The following CRYBG3 variants were observed in gnomAD, a reference collection of about 807,000 sequenced individuals.
The protein encoded by CRYBG3 is crystallin beta-gamma domain containing 3, also known as very large A-kinase anchor protein.
A neutral mutation model predicts 244.2 loss-of-function variants in CRYBG3; 127 were observed. That is an observed-to-expected ratio of 0.52 (90% confidence interval 0.45 to 0.60). The LOEUF is 0.60. Ranked by LOEUF, CRYBG3 falls within the 20% of genes least tolerant of loss-of-function variation. The pLI, the probability that CRYBG3 is intolerant of heterozygous loss-of-function variation, is 0.00. For synonymous variants in CRYBG3, 1,132 were observed against 1,195.8 expected (o/e 0.95, Z 1.10); for missense variants, 3,325 against 3,442.5 (o/e 0.97, Z 0.85).
In CRYBG3 at chr3:97,873,032, T is replaced by C. The variant is rs567741110; in HGVS notation, c.1838T>C (p.Phe613Ser). 3.9e-6 allele frequency: 6 copies of C among 1,535,580 alleles called. No homozygotes were observed. In the South Asian group the frequency reaches 7.2e-5, roughly 18 times the overall value. Reference protein sequence around the residue: ...LGNENAPELKFELNRSHISET... With the variant: ...LGNENAPELKSELNRSHISET... ...AATGAAAATGCACCTGAGTTGAAAT[T>C]TGAACTTAATAGAAGTCACATTTCA... The change falls in exon 4 of 22, where the codon TTT (phenylalanine) becomes TCT (serine). Residue 613 changes from phenylalanine (F) to serine (S), a missense_variant. Physicochemically the swap from Phe to Ser is radical, Grantham distance 155 (BLOSUM62 -2). Transcript: ENST00000389622.
chr3:97,905,204 A>G (rs2039757235), intron 15 of CRYBG3, among the ~76,000 whole-genome samples: 1 of 151,972 alleles, frequency 6.6e-6, no homozygotes. Context: ...CAATAAATAT[A>G]CGTGTGCATG....
intron 1 of CRYBG3, among the ~76,000 whole-genome samples, chr3:97,830,777 G>T (rs2038644518): frequency 1.3e-5 from 2 of 152,006 alleles, no homozygotes; most frequent in African/African-American, 4.8e-5. Context: ...CAAATGCACA[G>T]TAATGTACCT....
At chr3:97,836,383 A>G (rs2038733333) in intron 1 of CRYBG3, among the ~76,000 whole-genome samples, 1 of 152,036 alleles carries the variant, frequency 6.6e-6, no homozygotes, top group African/African-American at 2.4e-5. Context: ...TTCCGTTAAT[A>G]GCCATTAAAA....
chr3:97,885,689 G>A (rs527807706), intron 7 of CRYBG3, among the ~76,000 whole-genome samples: 1 of 152,284 alleles, frequency 6.6e-6, no homozygotes, highest in Admixed American at 6.5e-5. Flanking sequence ...TACAGAGGCT[G>A]GAGTGGAAGT....
Position 97,876,826 on chromosome 3 carries a change from G to C in CRYBG3, c.5632G>C (p.Glu1878Gln). The C allele has an allele frequency of 7.3e-7, 1 of 1,372,386 alleles. No individual in the cohort carries two copies. The highest frequency in any genetic ancestry group is 9.4e-7 in the Non-Finnish European group (1 of 1,066,746). 85.0% of individuals were successfully genotyped at this position (1,372,386 alleles called of 1,614,324 possible). ...DIEKIHGTGL[E>Q]LTTKQGEAML... ...TGAGAAAATACATGGAACAGGACTA[G>C]AATTGACCACTAAACAAGGGGAGGC... Residue 1878 changes from glutamate (E) to glutamine (Q), a missense_variant, in exon 4 of 22, where the codon GAA (glutamate) becomes CAA (glutamine). Transcript: ENST00000389622.
At chr3:97,862,999 T>C (rs749437650) in intron 2 of CRYBG3, among the ~76,000 whole-genome samples, 1 of 152,146 alleles carries the variant, frequency 6.6e-6, no homozygotes, top group Non-Finnish European at 1.5e-5. Context: ...AAATACTCCT[T>C]TATACTAATT....
chr3:97,888,056 C>T (rs144231016), intron 8 of CRYBG3, among the ~76,000 whole-genome samples: 4 of 152,172 alleles, frequency 2.6e-5, no homozygotes, highest in Non-Finnish European at 4.4e-5. Context: ...TTAAAGGTGC[C>T]ACGTGTTTTA....
intron 17 of CRYBG3, among the ~76,000 whole-genome samples, chr3:97,921,541 A>C (rs924097132): frequency 3.3e-5 from 5 of 152,162 alleles, no homozygotes; most frequent in African/African-American, 1.2e-4. Flanking sequence ...GAGGGGTTGT[A>C]CTTTGGACTT....
Position 97,896,004 on chromosome 3 carries a change from G to A in CRYBG3, c.7620G>A (p.Leu2540=). The change falls in exon 12 of 22, where the codon CTG becomes CTA. Residue 2540 remains leucine, a synonymous_variant. Coordinates refer to ENST00000389622, the MANE Select transcript of CRYBG3 (RefSeq NM_153605.4). ...EKEHFKGQQF[L]LEEGDFEDSN... is the part of the protein sequence containing the mutation. ...AACATTTTAAAGGCCAGCAGTTTCT[G>A]CTTGAAGAAGGAGACTTTGAAGACA... The A allele has an allele frequency of 6.2e-7, 1 of 1,613,514 alleles. No homozygotes were observed. The highest frequency in any genetic ancestry group is 8.5e-7 in the Non-Finnish European group (1 of 1,179,696).
In CRYBG3 at chr3:97,943,700, C is replaced by T. The variant is rs1428725154; in HGVS notation, c.*386C>T. The T allele has an allele frequency of 5.5e-6, 1 of 183,198 alleles. No individual in the cohort carries two copies. Among genetic ancestry groups the T allele is most frequent in the African/African-American group, 2.4e-5 (1 of 41,698 alleles). The allele number at this position is 183,198 out of a possible 1,614,324, so 11.3% of individuals were successfully genotyped here. On this transcript the variant is annotated 3_prime_UTR_variant, in exon 22 of 22. Transcript: ENST00000389622. ...TATTTATTAATATCCTACCTAGATG[C>T]TTGTATGAGTACAAAGCATAAAGAA...
Position 97,876,925 on chromosome 3 carries a change from C to A in CRYBG3, c.5731C>A (p.Pro1911Thr). ...GAGTGTTGAAGAAACAAAGGAAGAG[C>A]CTACAGAAATAAAGGAAGGCTTGAT... is the stretch of plus-strand genomic sequence containing the variant. ...EGSVEETKEE[P>T]TEIKEGLIAH... The change falls in exon 4 of 22, where the codon CCT (proline) becomes ACT (threonine). Residue 1911 changes from proline to threonine, a missense_variant. Pro to Thr is a conservative substitution (Grantham distance 38, BLOSUM62 -1). Around this residue, in one of 4 missense-constraint regions of CRYBG3, gnomAD observed 635 missense variants for 771.7 expected, o/e 0.82. Transcript: ENST00000389622. 1 of 1,467,290 alleles carries A rather than the reference C, an allele frequency of 6.8e-7. No individual in the cohort carries two copies. The highest frequency in any genetic ancestry group is 9.0e-7 in the Non-Finnish European group (1 of 1,109,416). The allele number at this position is 1,467,290 out of a possible 1,614,324, so 90.9% of individuals were successfully genotyped here.
chr3:97,909,890 TG>T (rs1255784444), intron 15 of CRYBG3, among the ~76,000 whole-genome samples: 1 of 146,488 alleles, frequency 6.8e-6, no homozygotes, highest in Admixed American at 6.8e-5. Context: ...TATCTACTTT[TG>T]GTCTTTGATG....
chr3:97,904,883 C>T (rs1423054892), intron 15 of CRYBG3, among the ~76,000 whole-genome samples: 1 of 138,586 alleles, frequency 7.2e-6, no homozygotes, highest in Non-Finnish European at 1.6e-5. Context: ...TGCTATCCCT[C>T]CACCCTCCCC....
chr3:97,874,405 A>C lies in CRYBG3; in HGVS notation c.3211A>C (p.Ser1071Arg), dbSNP rs746688873. ...SSSSSYPEEV[S>R]MIVNSHKPQN... is the part of the protein sequence containing the mutation. Reference sequence around the variant, plus strand: ...TTCCTCTAGTTACCCTGAAGAAGTTAGCATGATAGTAAATTCACATAAGCC... The same window carrying C: ...TTCCTCTAGTTACCCTGAAGAAGTTCGCATGATAGTAAATTCACATAAGCC... The change falls in exon 4 of 22, where the codon AGC (serine) becomes CGC (arginine). Residue 1071 changes from serine (S) to arginine (R), a missense_variant. By Grantham distance (110) the Ser-to-Arg change is moderately radical. Transcript: ENST00000389622. 3.8e-5 allele frequency: 58 copies of C among 1,534,498 alleles called. No homozygotes were observed. Among genetic ancestry groups the C allele is most frequent in the Non-Finnish European group, 4.7e-5 (54 of 1,146,466 alleles).
chr3:97,896,348 C>T (rs2039640400), intron 12 of CRYBG3, among the ~76,000 whole-genome samples: 1 of 152,116 alleles, frequency 6.6e-6, no homozygotes. Context: ...ACTCAACCCC[C>T]ACATTTACAC....
chr3:97,899,557 T>G (rs1241732363), intron 14 of CRYBG3, among the ~76,000 whole-genome samples: 1 of 152,196 alleles, frequency 6.6e-6, no homozygotes, highest in Non-Finnish European at 1.5e-5. Context: ...AAGACTGTCC[T>G]GATGGTTCTG....
chr3:97,863,093 A>T (rs1367774840), intron 2 of CRYBG3, among the ~76,000 whole-genome samples: 1 of 152,172 alleles, frequency 6.6e-6, no homozygotes, highest in Non-Finnish European at 1.5e-5. Context: ...TCAGATTCTT[A>T]TAAAACATTG....
intron 4 of CRYBG3, 93 bp from the exon 5 acceptor site, chr3:97,879,611 T>A (rs1298271732): frequency 1.2e-6 from 1 of 815,806 alleles, no homozygotes; most frequent in Non-Finnish European, 2.0e-6. Flanking sequence ...ACTAAATATG[T>A]GATAAATTGG....
chr3:97,900,322 T>A, intron 14 of CRYBG3, 131 bp from the exon 15 acceptor site: 1 of 595,226 alleles, frequency 1.7e-6, no homozygotes, highest in Non-Finnish European at 3.1e-6. Flanking sequence ...TACCCCAGCC[T>A]GGATAACAGA....
Sources: allele counts gnomAD v4.1 joint callset (sites outside exome capture counted in the v4.1 genomes callset), GRCh38; gene constraint gnomAD v4.1.1; regional missense constraint gnomAD v4.1.1; transcripts MANE v1.5; gene names NCBI Gene and HGNC (gene_info 2026-07-23, HGNC 2026-07-21).